Variants in DYNLT5 observed in about 807,000 individuals in gnomAD.
DYNLT5 encodes the protein dynein light chain Tctex-type 5.
A neutral mutation model predicts 19.3 loss-of-function variants in DYNLT5; 25 were observed. That is an observed-to-expected ratio of 1.30 (90% confidence interval 0.95 to 1.81). The LOEUF (loss-of-function observed/expected upper bound fraction) is 1.81, where lower values mean the gene tolerates loss of function less well. Ranked by LOEUF, DYNLT5 falls within the 40% of genes most tolerant of loss-of-function variation. The pLI is 0.00. For missense variants in DYNLT5, 232 were observed against 217.9 expected (o/e 1.06, Z -0.41); for synonymous variants, 82 against 68.9 (o/e 1.19, Z -0.94).
intron 2 of DYNLT5, among the ~76,000 whole-genome samples, chr1:66,756,942 T>G (rs116628219): frequency 1.6e-3 from 241 of 152,358 alleles, no homozygotes; most frequent in African/African-American, 5.6e-3. Flanking sequence ...TTTCTTCACT[T>G]CTTCCATCAG....
At chr1:66,773,584 G>T (rs900506050) in intron 3 of DYNLT5, among the ~76,000 whole-genome samples, 1 of 152,038 alleles carries the variant, frequency 6.6e-6, no homozygotes, top group African/African-American at 2.4e-5. Flanking sequence ...CATATCTAAG[G>T]AGTGTTTTAT....
intron 2 of DYNLT5, among the ~76,000 whole-genome samples, chr1:66,764,067 A>G (rs2094650387): frequency 6.6e-6 from 1 of 152,056 alleles, no homozygotes. Context: ...GTGCACCTGT[A>G]GTCCTTGCTA....
At chr1:66,766,982 C>A (rs140321307) in intron 2 of DYNLT5, among the ~76,000 whole-genome samples, 2 of 151,882 alleles carry the variant, frequency 1.3e-5, no homozygotes, top group Non-Finnish European at 2.9e-5. Flanking sequence ...CTGGGGCCTA[C>A]GTGAGGGTTG....
chr1:66,769,560 T>C (rs960342833), intron 2 of DYNLT5, among the ~76,000 whole-genome samples: 2 of 151,550 alleles, frequency 1.3e-5, no homozygotes, highest in Non-Finnish European at 2.9e-5. Context: ...CACACACACA[T>C]GCTATTATAT....
chr1:66,759,505 C>T (rs528540377), intron 2 of DYNLT5, among the ~76,000 whole-genome samples: 5 of 152,128 alleles, frequency 3.3e-5, no homozygotes, highest in African/African-American at 1.2e-4. Flanking sequence ...GCTGAAGATA[C>T]ATACACGTTT....
intron 4 of DYNLT5, among the ~76,000 whole-genome samples, 156 bp downstream of exon 4, chr1:66,776,559 G>GGC (rs1645236857): frequency 9.1e-6 from 1 of 109,550 alleles, no homozygotes; most frequent in African/African-American, 3.0e-5. Flanking sequence ...GTGTGTGTGT[G>GGC]GGTGTGTGTG....
At chr1:66,773,735 C>T (rs1233999941) in intron 3 of DYNLT5, among the ~76,000 whole-genome samples, 1 of 151,982 alleles carries the variant, frequency 6.6e-6, no homozygotes, top group Non-Finnish European at 1.5e-5. Flanking sequence ...TCTTTATCTA[C>T]TTTTTAAGGA....
chr1:66,764,417 ATTG>A (rs999632584), intron 2 of DYNLT5, among the ~76,000 whole-genome samples: 1 of 152,188 alleles, frequency 6.6e-6, no homozygotes, highest in Non-Finnish European at 1.5e-5. Context: ...TAATTTCAAT[ATTG>A]TTGTGTCACA....
intron 3 of DYNLT5, among the ~76,000 whole-genome samples, chr1:66,774,357 G>T (rs1398977076): frequency 6.6e-6 from 1 of 152,146 alleles, no homozygotes; most frequent in African/African-American, 2.4e-5. Flanking sequence ...AATCAACCAT[G>T]CCCTAGGCTT....
Position 66,754,235 on chromosome 1 carries a change from G to T in DYNLT5, c.-3-421G>T, listed in dbSNP as rs139338647. 8.8e-4 allele frequency among the ~76,000 whole-genome samples: 134 copies of T among 152,250 alleles called. 2 individuals are homozygous for T. The highest frequency in any genetic ancestry group is 6.7e-3 in the Admixed American group (103 of 15,288). On this transcript the variant is annotated intron_variant, in intron 1 of 4. Transcript: ENST00000282670. ...AACCTGGGTGACAGAACAAGACCCT[G>T]TCTCAAAAATAAAATATAACAGTGA...
chr1:66,777,024 C>A (rs995897260), intron 4 of DYNLT5, among the ~76,000 whole-genome samples: 1 of 152,100 alleles, frequency 6.6e-6, no homozygotes, highest in Non-Finnish European at 1.5e-5. Context: ...TTTCATGTAT[C>A]TTAGAAAAGG....
chr1:66,772,890 T>A (rs1026330199), intron 3 of DYNLT5, among the ~76,000 whole-genome samples: 1 of 152,242 alleles, frequency 6.6e-6, no homozygotes, highest in Admixed American at 6.5e-5. Flanking sequence ...GTATCTGAAT[T>A]TGAATACTAA....
chr1:66,756,889 C>CGA (rs2094636925), intron 2 of DYNLT5, among the ~76,000 whole-genome samples: 2 of 152,206 alleles, frequency 1.3e-5, no homozygotes, highest in South Asian at 4.1e-4. Context: ...TGGGGTACCC[C>CGA]GACTCCTTGC....
intron 2 of DYNLT5, among the ~76,000 whole-genome samples, chr1:66,764,566 AATAAC>A (rs1156510545): frequency 1.3e-5 from 2 of 152,230 alleles, no homozygotes; most frequent in Non-Finnish European, 2.9e-5. Flanking sequence ...CAATTACAAT[AATAAC>A]ATAAAATAAC....
At chr1:66,756,346 A>G (rs997309794) in intron 2 of DYNLT5, among the ~76,000 whole-genome samples, 2 of 152,150 alleles carry the variant, frequency 1.3e-5, no homozygotes, top group Non-Finnish European at 2.9e-5. Flanking sequence ...GCTAACTTGT[A>G]TTAATACTTG....
rs770639087 is a variant in DYNLT5 at position 66,764,729 on chromosome 1, C to T, written c.120-5658C>T. Among the ~76,000 whole-genome samples the T allele has an allele frequency of 2.2e-4, 34 of 152,164 alleles. 1 individual carries two copies. The highest frequency in any genetic ancestry group is 4.1e-4 in the South Asian group (2 of 4,822). On this transcript the variant is annotated intron_variant, in intron 2 of 4. Coordinates refer to ENST00000282670, the MANE Select transcript of DYNLT5 (RefSeq NM_152665.3). ...TGCTCAATGCAAGGTTGCCACAAAC[C>T]TTCAATTTGTAAACACACATTGTGT... is the stretch of plus-strand genomic sequence containing the variant.
intron 2 of DYNLT5, among the ~76,000 whole-genome samples, chr1:66,763,442 C>T (rs1247679596): frequency 6.6e-6 from 1 of 152,202 alleles, no homozygotes; most frequent in Non-Finnish European, 1.5e-5. Flanking sequence ...AGGCATTGAC[C>T]TCTCTCTAGC....
At chr1:66,765,487 G>T (rs1032237095) in intron 2 of DYNLT5, among the ~76,000 whole-genome samples, 23 of 151,970 alleles carry the variant, frequency 1.5e-4, no homozygotes, top group African/African-American at 5.6e-4. Flanking sequence ...TGAAATTATT[G>T]TTACCATCTC....
chr1:66,761,446 G>T (rs2094645792), intron 2 of DYNLT5, among the ~76,000 whole-genome samples: 1 of 152,178 alleles, frequency 6.6e-6, no homozygotes. Context: ...GACTAATCAG[G>T]GATATGGTTG....
Sources: gnomAD v4.1 joint callset for allele counts (sites outside exome capture counted in the v4.1 genomes callset) on GRCh38, gnomAD v4.1.1 for gene constraint, MANE v1.5 for transcripts, NCBI Gene and HGNC (gene_info 2026-07-23, HGNC 2026-07-21) for gene names.